Variants in PAN3 observed in about 807,000 individuals in gnomAD.
The protein encoded by PAN3 is poly(A) specific ribonuclease subunit PAN3.
Under a neutral mutation model 96.2 loss-of-function variants are expected in PAN3, and 19 were observed. That is an observed-to-expected ratio of 0.20 (90% confidence interval 0.14 to 0.29). The LOEUF (loss-of-function observed/expected upper bound fraction) is 0.29. PAN3 is among the 10% of genes least tolerant of loss of function. The pLI is 1.00. For missense variants in PAN3, 882 were observed against 1,108.1 expected, an observed-to-expected ratio of 0.80 and a Z score of 2.90; for synonymous variants, 433 against 406.6, an observed-to-expected ratio of 1.06 and a Z score of -0.78.
intron 5 of PAN3, among the ~76,000 whole-genome samples, chr13:28,199,790 G>T (rs982843614): frequency 6.6e-6 from 1 of 151,192 alleles, no homozygotes; most frequent in African/African-American, 2.4e-5. Context: ...TTGTGTTTTC[G>T]ACATATACTA....
chr13:28,277,159 T>G, intron 14 of PAN3, 78 bp from the exon 15 acceptor site: 1 of 1,370,548 alleles, frequency 7.3e-7, no homozygotes, highest in Non-Finnish European at 1.0e-6. Flanking sequence ...GCTTTTTCCA[T>G]TTAGGCAGTA....
At chr13:28,181,504 CAAAAAAAAAAAAAAAA>C (rs894039087) in intron 4 of PAN3, among the ~76,000 whole-genome samples, 1 of 57,268 alleles carries the variant, frequency 1.7e-5, no homozygotes, top group Non-Finnish European at 3.3e-5. Flanking sequence ...AACCCTGTCT[CAAAAAAAAAAAAAAAA>C]AAAAAAAAGG....
intron 5 of PAN3, chr13:28,215,670 G>T: frequency 6.8e-7 from 1 of 1,468,408 alleles, no homozygotes; most frequent in Non-Finnish European, 9.3e-7. Context: ...TAATAAGCTG[G>T]AAGATGGCCC....
At chr13:28,246,480 A>G (rs1481428135) in intron 6 of PAN3, among the ~76,000 whole-genome samples, 1 of 152,100 alleles carries the variant, frequency 6.6e-6, no homozygotes. Flanking sequence ...TTACACAATA[A>G]ATTGTTAACT....
In PAN3 at chr13:28,214,284, C is replaced by T. The variant is rs568169001; in HGVS notation, c.853-5947C>T. ...ACTTGTGTACAAATCTTCACAGCAG[C>T]TTTATTTGTAATAGCCAAAACTTGG... On this transcript the variant is annotated intron_variant, in intron 5 of 18. Transcript: ENST00000380958. Among the ~76,000 whole-genome samples, 18 of 152,304 alleles carry T rather than the reference C, an allele frequency of 1.2e-4. No homozygotes were observed. In the East Asian group the frequency reaches 2.1e-3, roughly 18 times the overall value.
chr13:28,256,992 G>T (rs1330821443), intron 7 of PAN3, among the ~76,000 whole-genome samples: 1 of 152,138 alleles, frequency 6.6e-6, no homozygotes, highest in Admixed American at 6.5e-5. Context: ...TAGATCTGTG[G>T]ATGGTGGAGT....
At chr13:28,139,186 T>TC (rs1869241703) in intron 1 of PAN3, 99 bp downstream of exon 1, 30 of 1,205,576 alleles carry the variant, frequency 2.5e-5, no homozygotes, top group East Asian at 6.4e-5. Flanking sequence ...GCCCGCGGGC[T>TC]CCCCCCCTCA....
intron 4 of PAN3, among the ~76,000 whole-genome samples, chr13:28,190,852 G>A (rs1318740796): frequency 6.6e-6 from 1 of 152,066 alleles, no homozygotes; most frequent in Non-Finnish European, 1.5e-5. Context: ...GATTTGGGTG[G>A]GGACACACAG....
At chr13:28,203,445 A>G (rs749344322) in intron 5 of PAN3, among the ~76,000 whole-genome samples, 4 of 152,052 alleles carry the variant, frequency 2.6e-5, no homozygotes, top group Non-Finnish European at 5.9e-5. Context: ...CTGGGACTAC[A>G]GGTATGTGCA....
At chr13:28,216,755 G>T (rs994126153) in intron 5 of PAN3, among the ~76,000 whole-genome samples, 1 of 151,904 alleles carries the variant, frequency 6.6e-6, no homozygotes, top group African/African-American at 2.4e-5. Flanking sequence ...TATATGCAAT[G>T]AAATGTTACA....
chr13:28,266,609 A>C, intron 9 of PAN3, 106 bp from the exon 10 acceptor site: 1 of 835,230 alleles, frequency 1.2e-6, no homozygotes, highest in Non-Finnish European at 1.7e-6. Flanking sequence ...ACAAGAGCAC[A>C]TTGTGATACA....
In PAN3 at chr13:28,267,501, C is replaced by T; in HGVS notation, c.1792+100C>T. ...AATACGTATAATTTTTCCCTGTAATCATTTAGTTTAAAGACTCTATTACAT... is the reference window on the plus strand; with the variant it reads ...AATACGTATAATTTTTCCCTGTAATTATTTAGTTTAAAGACTCTATTACAT... On this transcript the variant is annotated intron_variant, in intron 12 of 18. Transcript: ENST00000380958. 4.0e-6 allele frequency: 4 copies of T among 1,004,424 alleles called. 1 individual carries two copies. The South Asian group carries it at 6.0e-5, about 15-fold the overall frequency. The allele number at this position is 1,004,424 out of a possible 1,614,324, so 62.2% of individuals were successfully genotyped here.
Position 28,271,966 on chromosome 13 carries a change from A to T in PAN3, c.1959-15A>T, listed in dbSNP as rs974256733. Reference sequence around the variant, plus strand: ...TTATTTTAATTATTTTCTTTAAATTATCTGGTCCTTAAAGGTTGCGAGTAA... The same window carrying T: ...TTATTTTAATTATTTTCTTTAAATTTTCTGGTCCTTAAAGGTTGCGAGTAA... On this transcript the variant is annotated splice_polypyrimidine_tract_variant and intron_variant, in intron 13 of 18. Coordinates refer to ENST00000380958, the MANE Select transcript of PAN3 (RefSeq NM_175854.8). 3 of 1,483,964 alleles carry T rather than the reference A, an allele frequency of 2.0e-6. No homozygotes were observed. The highest frequency in any genetic ancestry group is 2.7e-6 in the Non-Finnish European group (3 of 1,096,226). The allele number at this position is 1,483,964 out of a possible 1,614,324, so 91.9% of individuals were successfully genotyped here.
At chr13:28,222,950 A>G (rs752977867) in intron 6 of PAN3, among the ~76,000 whole-genome samples, 1 of 152,182 alleles carries the variant, frequency 6.6e-6, no homozygotes, top group East Asian at 1.9e-4. Context: ...GGGAAAGTAC[A>G]TATCTAAATA....
intron 1 of PAN3, among the ~76,000 whole-genome samples, chr13:28,142,175 A>T (rs1485407673): frequency 2.6e-5 from 4 of 152,208 alleles, no homozygotes; most frequent in African/African-American, 7.2e-5. Context: ...ACTGAGAGAT[A>T]CCAAGGAGTG....
intron 17 of PAN3, 111 bp from the exon 18 acceptor site, chr13:28,287,872 CA>C: frequency 9.5e-7 from 1 of 1,047,876 alleles, no homozygotes; most frequent in Non-Finnish European, 1.3e-6. Context: ...GACTCCCTCC[CA>C]ATTTTTTGTT....
intron 17 of PAN3, among the ~76,000 whole-genome samples, chr13:28,286,503 G>A (rs1868988722): frequency 6.6e-6 from 1 of 152,142 alleles, no homozygotes; most frequent in South Asian, 2.1e-4. Context: ...GTAGTCCTTT[G>A]TGGCTTCAGT....
At chr13:28,283,764 T>C (rs1262821680) in intron 17 of PAN3, among the ~76,000 whole-genome samples, 1 of 152,166 alleles carries the variant, frequency 6.6e-6, no homozygotes, top group East Asian at 1.9e-4. Context: ...AATTGCAGCA[T>C]AGAGAGGTTA....
intron 4 of PAN3, among the ~76,000 whole-genome samples, chr13:28,189,802 A>G (rs1877002452): frequency 6.6e-6 from 1 of 152,184 alleles, no homozygotes; most frequent in Non-Finnish European, 1.5e-5. Context: ...TCTAAGGCCT[A>G]CCGAATCATA....
Sources: allele counts gnomAD v4.1 joint callset (sites outside exome capture counted in the v4.1 genomes callset), GRCh38; gene constraint gnomAD v4.1.1; transcripts MANE v1.5; gene names NCBI Gene and HGNC (gene_info 2026-07-23, HGNC 2026-07-21).